The following RAP1GDS1 variants were observed in gnomAD, a reference collection of about 807,000 sequenced individuals.
RAP1GDS1 encodes RAP1, GTP-GDP dissociation stimulator 1.
RAP1GDS1 carries 35 observed loss-of-function variants against 71.1 expected under a neutral mutation model. That is an observed-to-expected ratio of 0.49 (90% CI 0.38 to 0.65). The LOEUF (loss-of-function observed/expected upper bound fraction) is 0.65. Ranked by LOEUF, RAP1GDS1 falls within the 30% of genes least tolerant of loss-of-function variation. The probability of loss-of-function intolerance (pLI) is 0.00; values close to 1 mark genes in which losing one functional copy is unlikely to be tolerated. For synonymous variants in RAP1GDS1, 229 were observed against 243.1 expected, an observed-to-expected ratio of 0.94 and a Z score of 0.54; for missense variants, 663 against 706.1, an observed-to-expected ratio of 0.94 and a Z score of 0.69.
At chr4:98,270,100 A>G (rs1403631519) in intron 1 of RAP1GDS1, among the ~76,000 whole-genome samples, 1 of 152,132 alleles carries the variant, frequency 6.6e-6, no homozygotes, top group East Asian at 1.9e-4. Flanking sequence ...AAGAGGAGAA[A>G]CCTTGTGCCC....
At position 98,415,852 on chromosome 4, in the gene RAP1GDS1, T is replaced by C. The variant is rs78267676; in HGVS notation, c.764-893T>C. On this transcript the variant is annotated intron_variant, in intron 7 of 14. Coordinates refer to ENST00000408927, the MANE Select transcript of RAP1GDS1 (RefSeq NM_001100427.2). The stretch of plus-strand genomic sequence containing the variant: ...CATTTAGTAAACCACCATGTACCCA[T>C]CACTCAAGAAAGCTTTAAATCAATG... Among the ~76,000 whole-genome samples the C allele has an allele frequency of 3.8e-3, 584 of 152,310 alleles. 6 individuals carry two copies. Among genetic ancestry groups the C allele is most frequent in the African/African-American group, 0.013 (559 of 41,556 alleles).
chr4:98,426,408 A>G (rs1275699237), intron 12 of RAP1GDS1, among the ~76,000 whole-genome samples: 3 of 152,136 alleles, frequency 2.0e-5, no homozygotes, highest in African/African-American at 7.2e-5. Context: ...AACAAAAAAG[A>G]CAATACAAAA....
chr4:98,381,303 G>C (rs1260128206), intron 5 of RAP1GDS1, among the ~76,000 whole-genome samples: 2 of 151,544 alleles, frequency 1.3e-5, no homozygotes, highest in Non-Finnish European at 3.0e-5. Context: ...TGCGAAACTT[G>C]TAACTATCAT....
rs192151241 is a variant in RAP1GDS1 at position 98,426,180 on chromosome 4, A to G, written c.1440+4786A>G. Among the ~76,000 whole-genome samples the G allele has an allele frequency of 1.5e-4, 23 of 152,248 alleles. 1 individual carries two copies. The East Asian group carries it at 4.4e-3, about 29-fold the overall frequency. On this transcript the variant is annotated intron_variant, in intron 12 of 14. Coordinates refer to ENST00000408927, the MANE Select transcript of RAP1GDS1 (RefSeq NM_001100427.2). ...ATTTAAAAATTCTTTGAACTGAACA[A>G]TAAATGATACAACCTATCAATACCT... is the stretch of plus-strand genomic sequence containing the variant.
chr4:98,282,218 G>A (rs934334552), intron 1 of RAP1GDS1, among the ~76,000 whole-genome samples: 22 of 152,084 alleles, frequency 1.4e-4, no homozygotes, highest in Admixed American at 1.2e-3. Context: ...GGTAGAATTC[G>A]GCTGTGAATC....
intron 6 of RAP1GDS1, among the ~76,000 whole-genome samples, chr4:98,393,899 C>T (rs1744114771): frequency 6.6e-6 from 1 of 152,112 alleles, no homozygotes; most frequent in African/African-American, 2.4e-5. Context: ...TTTAGCACAT[C>T]TTACTAGAAA....
chr4:98,272,962 A>G (rs1269917688), intron 1 of RAP1GDS1, among the ~76,000 whole-genome samples: 3 of 152,042 alleles, frequency 2.0e-5, no homozygotes, highest in Non-Finnish European at 4.4e-5. Context: ...CACCTTTCCA[A>G]TTTGCTGCAA....
intron 1 of RAP1GDS1, among the ~76,000 whole-genome samples, chr4:98,286,139 C>A (rs529799898): frequency 5.3e-4 from 81 of 151,764 alleles, no homozygotes; most frequent in African/African-American, 1.9e-3. Flanking sequence ...GTAGTCAGCA[C>A]CTGTGGCCCC....
At chr4:98,409,672 C>A in intron 7 of RAP1GDS1, 1 of 356,964 alleles carries the variant, frequency 2.8e-6, no homozygotes, top group South Asian at 2.8e-5. Context: ...ACTGAAGCAA[C>A]AGTCTGTTCC....
intron 7 of RAP1GDS1, among the ~76,000 whole-genome samples, chr4:98,413,503 AATG>A (rs1423490718): frequency 6.6e-6 from 1 of 152,074 alleles, no homozygotes; most frequent in East Asian, 1.9e-4. Context: ...GTTTACTGAG[AATG>A]ATGATTTCCA....
intron 2 of RAP1GDS1, among the ~76,000 whole-genome samples, chr4:98,324,835 C>T (rs1732688705): frequency 6.6e-6 from 1 of 151,984 alleles, no homozygotes. Flanking sequence ...AAAACCTAGG[C>T]ATTACCATTC....
At chr4:98,315,202 C>T (rs1730764578) in intron 2 of RAP1GDS1, among the ~76,000 whole-genome samples, 1 of 152,124 alleles carries the variant, frequency 6.6e-6, no homozygotes, top group Non-Finnish European at 1.5e-5. Context: ...TGTACATAAC[C>T]TCCATAGTGG....
intron 5 of RAP1GDS1, among the ~76,000 whole-genome samples, chr4:98,391,049 A>C (rs1357293966): frequency 1.3e-5 from 2 of 152,156 alleles, no homozygotes; most frequent in Non-Finnish European, 2.9e-5. Flanking sequence ...ATGGACAGTT[A>C]TAGTGTTTTG....
At chr4:98,279,368 T>C (rs1234760416) in intron 1 of RAP1GDS1, among the ~76,000 whole-genome samples, 1 of 151,874 alleles carries the variant, frequency 6.6e-6, no homozygotes, top group African/African-American at 2.4e-5. Context: ...ACATAAATGA[T>C]ATATAATTTT....
intron 3 of RAP1GDS1, among the ~76,000 whole-genome samples, chr4:98,350,027 A>G (rs1247986456): frequency 6.6e-6 from 1 of 152,170 alleles, no homozygotes; most frequent in Non-Finnish European, 1.5e-5. Flanking sequence ...GCTTTGTTTT[A>G]TCTTTATATG....
chr4:98,330,209 A>G (rs1013060063), intron 2 of RAP1GDS1, among the ~76,000 whole-genome samples: 4 of 152,208 alleles, frequency 2.6e-5, no homozygotes, highest in African/African-American at 7.2e-5. Flanking sequence ...GGAGTCTCCT[A>G]TGTCTACTTC....
chr4:98,376,610 A>T (rs1376655273), intron 4 of RAP1GDS1, among the ~76,000 whole-genome samples: 1 of 151,992 alleles, frequency 6.6e-6, no homozygotes, highest in African/African-American at 2.4e-5. Context: ...AAATGCTTTT[A>T]CTGTGTTTCT....
At chr4:98,412,865 T>G (rs1747274006) in intron 7 of RAP1GDS1, among the ~76,000 whole-genome samples, 1 of 151,492 alleles carries the variant, frequency 6.6e-6, no homozygotes, top group Admixed American at 6.6e-5. Flanking sequence ...GTACAGGGAG[T>G]AGGTCACAAA....
intron 1 of RAP1GDS1, among the ~76,000 whole-genome samples, chr4:98,262,003 T>G (rs980335101): frequency 1.3e-5 from 2 of 152,230 alleles, no homozygotes; most frequent in African/African-American, 4.8e-5. Context: ...CTTCCTTCTC[T>G]GTCAGTGCGA....
Sources: gnomAD v4.1 joint callset for allele counts (sites outside exome capture counted in the v4.1 genomes callset) on GRCh38, gnomAD v4.1.1 for gene constraint, MANE v1.5 for transcripts, NCBI Gene and HGNC (gene_info 2026-07-23, HGNC 2026-07-21) for gene names.